Variants in EXOC4 observed in about 807,000 individuals in gnomAD.
EXOC4 encodes the protein exocyst complex component 4.
In EXOC4, 71 loss-of-function variants were observed where a neutral mutation model predicts 107.2. The ratio of observed to expected loss-of-function variants is 0.66; its 90% CI spans 0.55 to 0.81. EXOC4 has a LOEUF of 0.81. Among genes scored for constraint, EXOC4 ranks in the 30% least tolerant of loss-of-function variants. The pLI, the probability that EXOC4 is intolerant of heterozygous loss-of-function variation, is 0.00. For missense variants in EXOC4, 1,108 were observed against 1,189.6 expected (o/e 0.93, Z 1.01); for synonymous variants, 456 against 441.2 (o/e 1.03, Z -0.42).
chr7:133,356,696 A>G, intron 6 of EXOC4, 123 bp downstream of exon 6: 1 of 1,175,318 alleles, frequency 8.5e-7, no homozygotes, highest in Non-Finnish European at 1.2e-6. Context: ...TATAGCCCAT[A>G]CAGGCCAGGC....
At chr7:133,296,932 T>C (rs553368807) in intron 3 of EXOC4, among the ~76,000 whole-genome samples, 1 of 152,304 alleles carries the variant, frequency 6.6e-6, no homozygotes, top group Admixed American at 6.5e-5. Context: ...ACTTCAGTTA[T>C]TGACATTCTC....
chr7:133,392,754 T>C (rs144056189), intron 7 of EXOC4, among the ~76,000 whole-genome samples: 22 of 152,336 alleles, frequency 1.4e-4, no homozygotes, highest in African/African-American at 5.1e-4. Context: ...AGTAGTATCA[T>C]TGTATAATCA....
intron 13 of EXOC4, among the ~76,000 whole-genome samples, chr7:133,934,983 A>G (rs1800265409): frequency 6.6e-6 from 1 of 151,282 alleles, no homozygotes; most frequent in Admixed American, 6.6e-5. Flanking sequence ...TAGAAATTGC[A>G]TTTAGCAGCT....
intron 10 of EXOC4, among the ~76,000 whole-genome samples, chr7:133,679,689 CTA>C (rs1794146318): frequency 6.6e-6 from 1 of 152,182 alleles, no homozygotes; most frequent in Non-Finnish European, 1.5e-5. Context: ...ATCATATTAA[CTA>C]TAACACTATT....
chr7:133,802,540 A>G (rs1490650064), intron 10 of EXOC4, among the ~76,000 whole-genome samples: 1 of 152,150 alleles, frequency 6.6e-6, no homozygotes, highest in Non-Finnish European at 1.5e-5. Context: ...TGTCAAAACC[A>G]AACAGTGAAA....
intron 10 of EXOC4, among the ~76,000 whole-genome samples, chr7:133,630,807 TTC>T (rs1420178075): frequency 1.3e-5 from 2 of 152,208 alleles, no homozygotes; most frequent in Non-Finnish European, 2.9e-5. Flanking sequence ...GTGAAATCTA[TTC>T]TAATGCTCAG....
chr7:133,476,533 G>A lies in EXOC4; in HGVS notation c.1328+1060G>A, dbSNP rs193011780. Among the ~76,000 whole-genome samples, 163 of 152,232 alleles carry A rather than the reference G, an allele frequency of 1.1e-3. 1 individual carries two copies. Among genetic ancestry groups the A allele is most frequent in the African/African-American group, 3.7e-3 (154 of 41,550 alleles). On this transcript the variant is annotated intron_variant, in intron 8 of 17. Transcript: ENST00000253861. ...TATCTTCTGTTGATTCACATTTGAGGCTTGTTTTTATCTTAGATTTTTAGT... is the reference window on the plus strand; with the variant it reads ...TATCTTCTGTTGATTCACATTTGAGACTTGTTTTTATCTTAGATTTTTAGT...
chr7:133,912,870 C>T (rs903682563), intron 12 of EXOC4, among the ~76,000 whole-genome samples: 2 of 152,132 alleles, frequency 1.3e-5, no homozygotes, highest in African/African-American at 4.8e-5. Flanking sequence ...GCTTGGGTCC[C>T]GCAGCCCAGA....
At chr7:133,281,866 T>C (rs1218084062) in intron 2 of EXOC4, among the ~76,000 whole-genome samples, 2 of 152,144 alleles carry the variant, frequency 1.3e-5, no homozygotes, top group Non-Finnish European at 2.9e-5. Flanking sequence ...CACACCTGGC[T>C]AATATTTCTA....
chr7:133,406,563 G>T lies in EXOC4; in HGVS notation c.1182+31561G>T, dbSNP rs975819338. Among the ~76,000 whole-genome samples, 7 of 152,044 alleles carry T rather than the reference G, an allele frequency of 4.6e-5. No individual in the cohort carries two copies. In the East Asian group the frequency reaches 1.3e-3, roughly 29 times the overall value. On this transcript the variant is annotated intron_variant, in intron 7 of 17. Coordinates refer to ENST00000253861, the MANE Select transcript of EXOC4 (RefSeq NM_021807.4). ...TTTGAAATTTCTTCGGATTCTTTCT[G>T]CCTTTTGCAATTTCCTTGCTATCTT... is the stretch of plus-strand genomic sequence containing the variant.
chr7:133,436,876 A>C (rs1191385500), intron 7 of EXOC4, among the ~76,000 whole-genome samples: 2 of 151,998 alleles, frequency 1.3e-5, no homozygotes, highest in Non-Finnish European at 2.9e-5. Flanking sequence ...ATCTTTTCCC[A>C]TGAGCTTAGT....
chr7:134,047,520 C>G (rs112628394), intron 17 of EXOC4, among the ~76,000 whole-genome samples: 15 of 152,166 alleles, frequency 9.9e-5, no homozygotes, highest in African/African-American at 3.4e-4. Flanking sequence ...CAGACACCCC[C>G]CAAAGGCACA....
intron 11 of EXOC4, among the ~76,000 whole-genome samples, chr7:133,832,731 T>G (rs1263183831): frequency 6.6e-6 from 1 of 152,242 alleles, no homozygotes; most frequent in Non-Finnish European, 1.5e-5. Context: ...TTGCTTCCAT[T>G]TAGAGTTATT....
At position 133,365,386 on chromosome 7, in the gene EXOC4, A is replaced by G. The variant is rs529699135; in HGVS notation, c.1007+8813A>G. Among the ~76,000 whole-genome samples the G allele has an allele frequency of 9.8e-5, 15 of 152,314 alleles. No individual in the cohort carries two copies. In the South Asian group the frequency reaches 2.7e-3, roughly 27 times the overall value. On this transcript the variant is annotated intron_variant, in intron 6 of 17. Transcript: ENST00000253861. ...AGAATGATACTGATACTTTAATTCAAAGAAATAGGGCCTGGGTTTATTTTC... is the reference window on the plus strand; with the variant it reads ...AGAATGATACTGATACTTTAATTCAGAGAAATAGGGCCTGGGTTTATTTTC...
intron 7 of EXOC4, among the ~76,000 whole-genome samples, chr7:133,449,453 C>G (rs1563070399): frequency 6.6e-6 from 1 of 152,188 alleles, no homozygotes. Context: ...TCTGAACTGT[C>G]TCAAGTTTTT....
chr7:133,257,481 A>G (rs1389151394), intron 1 of EXOC4, among the ~76,000 whole-genome samples: 1 of 152,224 alleles, frequency 6.6e-6, no homozygotes, highest in Non-Finnish European at 1.5e-5. Context: ...TAGATGGGAA[A>G]TAAGAAAGAT....
chr7:133,331,395 A>G (rs910369061), intron 5 of EXOC4, among the ~76,000 whole-genome samples: 1 of 152,048 alleles, frequency 6.6e-6, no homozygotes, highest in Admixed American at 6.6e-5. Context: ...GGGGAATCCA[A>G]TGCTAAGAAA....
At chr7:133,656,260 G>A (rs1803292567) in intron 10 of EXOC4, among the ~76,000 whole-genome samples, 1 of 151,988 alleles carries the variant, frequency 6.6e-6, no homozygotes, top group Admixed American at 6.6e-5. Context: ...TTGGCAAGGG[G>A]GAATTCATAA....
intron 17 of EXOC4, among the ~76,000 whole-genome samples, chr7:134,031,315 G>A (rs904246152): frequency 3.3e-5 from 5 of 152,144 alleles, no homozygotes; most frequent in Middle Eastern, 3.2e-3. Context: ...GAAAATAAGA[G>A]CAAAAACTGA....
Sources: gnomAD v4.1 joint callset for allele counts (sites outside exome capture counted in the v4.1 genomes callset) on GRCh38, gnomAD v4.1.1 for gene constraint, MANE v1.5 for transcripts, NCBI Gene and HGNC (gene_info 2026-07-23, HGNC 2026-07-21) for gene names.